The following WIF1 variants were observed in gnomAD, a reference collection of about 807,000 sequenced individuals.
WIF1 encodes Wnt inhibitory factor 1.
A neutral mutation model predicts 53.5 loss-of-function variants in WIF1; 35 were observed. The observed-to-expected ratio is 0.65, with a 90% CI of 0.50 to 0.87. The LOEUF is 0.87. Among genes scored for constraint, WIF1 ranks in the 40% least tolerant of loss-of-function variants. WIF1 has a pLI of 0.00. For missense variants in WIF1, 467 were observed against 476.8 expected, an observed-to-expected ratio of 0.98 and a Z score of 0.19; for synonymous variants, 171 against 170.4, an observed-to-expected ratio of 1.00 and a Z score of -0.03.
At chr12:65,110,359 T>A (rs1241732833) in intron 2 of WIF1, among the ~76,000 whole-genome samples, 1 of 151,694 alleles carries the variant, frequency 6.6e-6, no homozygotes, top group Non-Finnish European at 1.5e-5. Context: ...CTGCCTGTGG[T>A]AGCCTTTCTC....
At chr12:65,080,347 G>T (rs987375942) in intron 2 of WIF1, among the ~76,000 whole-genome samples, 3 of 152,158 alleles carry the variant, frequency 2.0e-5, no homozygotes, top group Non-Finnish European at 4.4e-5. Flanking sequence ...CATAAGGCAG[G>T]TAATTCTTAC....
In WIF1 at chr12:65,055,120, T is replaced by G; in HGVS notation, c.1016A>C (p.Lys339Thr). Reference sequence around the variant, plus strand: ...AACTTTTTATTTCTCCCACTCACTTTTATTGCAGTGTCTTCCATGCCAACC... The same window carrying G: ...AACTTTTTATTTCTCCCACTCACTTGTATTGCAGTGTCTTCCATGCCAACC... ...QEGWHGRHCN[K>T]RYEASLIHAL... Residue 339 changes from lysine to threonine, a missense_variant and splice_region_variant, in exon 9 of 10, where the codon AAA (lysine) becomes ACA (threonine). Coordinates refer to ENST00000286574, the MANE Select transcript of WIF1 (RefSeq NM_007191.5). 6.2e-7 allele frequency: 1 copy of G among 1,613,542 alleles called. No individual in the cohort carries two copies.
intron 6 of WIF1, among the ~76,000 whole-genome samples, chr12:65,065,801 A>T (rs181342313): frequency 4.6e-4 from 70 of 151,388 alleles, no homozygotes; most frequent in African/African-American, 1.6e-3. Context: ...CACTTAAAAG[A>T]TGTGAACTGG....
chr12:65,071,260 G>T (rs949459830), intron 3 of WIF1, among the ~76,000 whole-genome samples: 8 of 135,128 alleles, frequency 5.9e-5, no homozygotes, highest in African/African-American at 1.9e-4. Flanking sequence ...AAAAAGGAAA[G>T]AAAGAAAAGT....
chr12:65,097,127 G>T lies in WIF1; in HGVS notation c.289-19273C>A, dbSNP rs1182183833. ...ATTTGTGTGGATGTATGGAAACTAAGAGCTCTGAAAACTGGGCCTCTTTTA... is the reference window on the plus strand; with the variant it reads ...ATTTGTGTGGATGTATGGAAACTAATAGCTCTGAAAACTGGGCCTCTTTTA... On this transcript the variant is annotated intron_variant, in intron 2 of 9. Transcript: ENST00000286574. Among the ~76,000 whole-genome samples, 3 of 149,466 alleles carry T rather than the reference G, an allele frequency of 2.0e-5. No homozygotes were observed. In the East Asian group the frequency reaches 5.9e-4, roughly 29 times the overall value.
chr12:65,055,363 G>C (rs1248521577), intron 8 of WIF1, 150 bp from the exon 9 acceptor site: 1 of 771,332 alleles, frequency 1.3e-6, no homozygotes, highest in East Asian at 2.8e-5. Flanking sequence ...GTCATAAGTT[G>C]GTTTTGGACT....
intron 3 of WIF1, among the ~76,000 whole-genome samples, chr12:65,075,149 A>G (rs897968607): frequency 2.0e-5 from 3 of 152,208 alleles, no homozygotes; most frequent in Non-Finnish European, 4.4e-5. Context: ...ATCAAAGAGA[A>G]ACTGAACTTA....
intron 2 of WIF1, among the ~76,000 whole-genome samples, chr12:65,100,957 C>T (rs1199630682): frequency 6.6e-6 from 1 of 152,072 alleles, no homozygotes; most frequent in African/African-American, 2.4e-5. Flanking sequence ...CCCTACTGCC[C>T]TTAAGCAAAA....
intron 2 of WIF1, among the ~76,000 whole-genome samples, chr12:65,092,471 T>C (rs866096372): frequency 1.6e-5 from 2 of 127,388 alleles, no homozygotes; most frequent in Non-Finnish European, 3.2e-5. Flanking sequence ...CATGTATATG[T>C]GTGTGTGTGT....
At chr12:65,063,374 G>C (rs1813964848) in intron 6 of WIF1, among the ~76,000 whole-genome samples, 1 of 152,220 alleles carries the variant, frequency 6.6e-6, no homozygotes, top group African/African-American at 2.4e-5. Flanking sequence ...TCTAAAAATA[G>C]ACAAGTTGGC....
rs1883597623 is a variant in WIF1, at chr12:65,120,816, G to A, written c.148+228C>T. On this transcript the variant is annotated intron_variant, in intron 1 of 9. Transcript: ENST00000286574. ...AAAAATGCCGGGTGCACCTAAAAAC[G>A]CAGGGCTATAAAAATTAACAACAGC... is the stretch of plus-strand genomic sequence containing the variant. 5 of 840,642 alleles carry A rather than the reference G, an allele frequency of 5.9e-6. No homozygotes were observed. The East Asian group carries it at 1.4e-4, about 24-fold the overall frequency. 52.1% of individuals were successfully genotyped at this position (840,642 alleles called of 1,614,324 possible).
chr12:65,103,892 C>A (rs147312770), intron 2 of WIF1, among the ~76,000 whole-genome samples: 26 of 152,088 alleles, frequency 1.7e-4, no homozygotes, highest in African/African-American at 5.3e-4. Flanking sequence ...TTGGTGACAC[C>A]CTGTCTCTAC....
chr12:65,073,024 G>A (rs182916658), intron 3 of WIF1, among the ~76,000 whole-genome samples: 9 of 152,272 alleles, frequency 5.9e-5, no homozygotes, highest in African/African-American at 2.2e-4. Context: ...CAGCAAATTT[G>A]TTCTGATTGC....
chr12:65,075,479 C>T (rs1882847595), intron 3 of WIF1, among the ~76,000 whole-genome samples: 1 of 152,096 alleles, frequency 6.6e-6, no homozygotes, highest in African/African-American at 2.4e-5. Context: ...TATAAAGCTA[C>T]CACTATCACA....
At chr12:65,082,319 G>A (rs1196157858) in intron 2 of WIF1, among the ~76,000 whole-genome samples, 1 of 152,108 alleles carries the variant, frequency 6.6e-6, no homozygotes, top group Non-Finnish European at 1.5e-5. Flanking sequence ...AAGGAACTCA[G>A]AGCATGAACA....
chr12:65,110,257 C>A (rs575913952), intron 2 of WIF1, among the ~76,000 whole-genome samples: 1 of 151,922 alleles, frequency 6.6e-6, no homozygotes, highest in East Asian at 1.9e-4. Context: ...CCCCCTGCCC[C>A]CTTCCCCTGG....
At chr12:65,056,218 G>T in intron 7 of WIF1, 92 bp from the exon 8 acceptor site, 1 of 1,190,460 alleles carries the variant, frequency 8.4e-7, no homozygotes, top group Non-Finnish European at 1.2e-6. Context: ...GCTTTGAGAG[G>T]ATAAGTGCTT....
At chr12:65,085,002 C>A (rs146197594) in intron 2 of WIF1, among the ~76,000 whole-genome samples, 121 of 152,272 alleles carry the variant, frequency 7.9e-4, no homozygotes, top group African/African-American at 2.9e-3. Flanking sequence ...CTTGTTCTGG[C>A]ACAAACCTTT....
chr12:65,101,435 GTC>G (rs1883281222), intron 2 of WIF1, among the ~76,000 whole-genome samples: 1 of 152,114 alleles, frequency 6.6e-6, no homozygotes, highest in Non-Finnish European at 1.5e-5. Flanking sequence ...AACTCCTAAA[GTC>G]TGTTTATTAG....
Sources: gnomAD v4.1 joint callset for allele counts (sites outside exome capture counted in the v4.1 genomes callset) on GRCh38, gnomAD v4.1.1 for gene constraint, MANE v1.5 for transcripts, NCBI Gene and HGNC (gene_info 2026-07-23, HGNC 2026-07-21) for gene names.